The following PIAS2 variants were observed in gnomAD, a reference collection of about 807,000 sequenced individuals.
The protein encoded by PIAS2 is protein inhibitor of activated STAT 2, also known as E3 SUMO-protein ligase PIAS2.
PIAS2 carries 19 observed loss-of-function variants against 69.7 expected under a neutral mutation model. The observed-to-expected ratio is 0.27, with a 90% confidence interval of 0.19 to 0.40. PIAS2 has a LOEUF of 0.40. Ranked by LOEUF, PIAS2 falls within the 10% of genes least tolerant of loss-of-function variation. The probability of loss-of-function intolerance (pLI) is 1.00; values close to 1 mark genes in which losing one functional copy is unlikely to be tolerated. For synonymous variants in PIAS2, 261 were observed against 263.2 expected (o/e 0.99, Z 0.08); for missense variants, 624 against 757.0 (o/e 0.82, Z 2.06).
Position 46,803,359 on chromosome 18 carries a change from A to C in PIAS2, c.*9074T>G, listed in dbSNP as rs1295051174. On this transcript the variant is annotated 3_prime_UTR_variant, in exon 14 of 14. Transcript: ENST00000585916. ...TTTTAGGTTGTATCAGCAGCTTTTA[A>C]CTCCACTAACCACTTGCTTCTTGAA... is the stretch of plus-strand genomic sequence containing the variant. The C allele has an allele frequency of 6.6e-6, 1 of 152,036 alleles. No homozygotes were observed. Among genetic ancestry groups the C allele is most frequent in the African/African-American group, 2.4e-5 (1 of 41,386 alleles). 9.4% of individuals were successfully genotyped at this position (152,036 alleles called of 1,614,324 possible).
intron 2 of PIAS2, among the ~76,000 whole-genome samples, chr18:46,877,355 G>A (rs956637284): frequency 6.6e-6 from 1 of 152,134 alleles, no homozygotes; most frequent in African/African-American, 2.4e-5. Context: ...CTTGTTCTTT[G>A]TTCTCGAGAT....
rs2040683618 is a variant in PIAS2, at chr18:46,806,347, C to T, written c.*6086G>A. ...TCTTGGAAAATTCTTTGCACAATGC[C>T]TGTTACTTTTTTTTTTTTTTTTTTT... On this transcript the variant is annotated 3_prime_UTR_variant, in exon 14 of 14. Transcript: ENST00000585916. 1.1e-5 allele frequency: 1 copy of T among 87,522 alleles called. No homozygotes were observed. The highest frequency in any genetic ancestry group is 2.7e-5 in the Non-Finnish European group (1 of 37,350). The allele number at this position is 87,522 out of a possible 1,614,324, so 5.4% of individuals were successfully genotyped here.
chr18:46,857,132 T>C (rs1227485050), intron 3 of PIAS2, among the ~76,000 whole-genome samples: 1 of 152,222 alleles, frequency 6.6e-6, no homozygotes, highest in African/African-American at 2.4e-5. Flanking sequence ...CCCACTGTTC[T>C]CCTTACCAAG....
chr18:46,846,606 C>T, intron 6 of PIAS2, 101 bp downstream of exon 6: 1 of 1,180,406 alleles, frequency 8.5e-7, no homozygotes, highest in South Asian at 2.2e-5. Context: ...AGATTACAAT[C>T]CAAAAACAGA....
At chr18:46,880,760 C>T (rs2052103654) in intron 2 of PIAS2, among the ~76,000 whole-genome samples, 1 of 152,172 alleles carries the variant, frequency 6.6e-6, no homozygotes, top group African/African-American at 2.4e-5. Context: ...TACAGGCTCT[C>T]TTCTATATTA....
intron 12 of PIAS2, chr18:46,816,092 C>T: frequency 1.0e-6 from 1 of 984,758 alleles, no homozygotes; most frequent in South Asian, 4.7e-5. Flanking sequence ...TCACCTAGAC[C>T]TCCCTGTGTG....
At chr18:46,847,593 T>C (rs948017657) in intron 5 of PIAS2, among the ~76,000 whole-genome samples, 5 of 151,924 alleles carry the variant, frequency 3.3e-5, no homozygotes, top group Admixed American at 2.0e-4. Flanking sequence ...GCCAGTCTCC[T>C]GTCTCAGCCT....
At chr18:46,894,186 AAGC>A (rs2054498688) in intron 1 of PIAS2, among the ~76,000 whole-genome samples, 1 of 152,182 alleles carries the variant, frequency 6.6e-6, no homozygotes, top group South Asian at 2.1e-4. Context: ...AATAATCTCA[AAGC>A]AGCTTACTAA....
At chr18:46,918,944 A>T, upstream of PIAS2, among the ~76,000 whole-genome samples, 1 of 151,526 alleles carries the variant, frequency 6.6e-6, no homozygotes, top group Admixed American at 6.6e-5. Context: ...TCTCCATGGT[A>T]ATTATGTAGG....
intron 11 of PIAS2, among the ~76,000 whole-genome samples, chr18:46,825,168 T>C (rs1478816700): frequency 6.6e-6 from 1 of 152,010 alleles, no homozygotes; most frequent in Admixed American, 6.6e-5. Flanking sequence ...ATAAAAACTC[T>C]AGATGCTGAA....
At chr18:46,816,906 A>C (rs2041615284) in intron 12 of PIAS2, 1 of 941,676 alleles carries the variant, frequency 1.1e-6, no homozygotes, top group Middle Eastern at 5.4e-4. Context: ...ATATCTCAAT[A>C]AGCAGATTTT....
chr18:46,886,723 G>A (rs868299673), intron 2 of PIAS2, among the ~76,000 whole-genome samples: 8 of 152,178 alleles, frequency 5.3e-5, no homozygotes, highest in Middle Eastern at 3.4e-3. Context: ...TGTAGCCTCA[G>A]CTACTCGGGA....
At chr18:46,874,729 A>G (rs547696705) in intron 2 of PIAS2, among the ~76,000 whole-genome samples, 2 of 152,316 alleles carry the variant, frequency 1.3e-5, no homozygotes, top group Non-Finnish European at 2.9e-5. Context: ...ATTTCTCAGG[A>G]GTTACATACT....
At chr18:46,816,500 A>G (rs2041557821) in intron 12 of PIAS2, 2 of 934,402 alleles carry the variant, frequency 2.1e-6, no homozygotes, top group Non-Finnish European at 2.6e-6. Flanking sequence ...TTTGGGAGAC[A>G]CTGAGTCTGC....
intron 2 of PIAS2, among the ~76,000 whole-genome samples, chr18:46,883,133 A>G (rs1568712842): frequency 6.6e-6 from 1 of 152,024 alleles, no homozygotes; most frequent in Non-Finnish European, 1.5e-5. Context: ...AGAGAAGAGA[A>G]AAAGCATTAA....
chr18:46,894,019 G>C (rs974880770), intron 1 of PIAS2, among the ~76,000 whole-genome samples: 1 of 152,048 alleles, frequency 6.6e-6, no homozygotes, highest in Non-Finnish European at 1.5e-5. Context: ...CCTGCTACTC[G>C]GGAGGCTGAG....
intron 9 of PIAS2, among the ~76,000 whole-genome samples, chr18:46,830,679 C>G (rs1000260274): frequency 1.3e-5 from 2 of 152,072 alleles, no homozygotes; most frequent in Non-Finnish European, 2.9e-5. Flanking sequence ...CTTATTTACA[C>G]TCACTCCAAA....
chr18:46,867,955 T>C (rs1188250204), intron 2 of PIAS2, among the ~76,000 whole-genome samples: 1 of 152,156 alleles, frequency 6.6e-6, no homozygotes, highest in African/African-American at 2.4e-5. Context: ...AAGCCCAAAT[T>C]AGACCACATG....
chr18:46,818,503 A>C (rs1469095822), intron 12 of PIAS2: 2 of 1,451,012 alleles, frequency 1.4e-6, no homozygotes, highest in Non-Finnish European at 1.8e-6. Context: ...TAAGAAATGT[A>C]TTAAAACTTT....
Sources: gnomAD v4.1 joint callset for allele counts (sites outside exome capture counted in the v4.1 genomes callset) on GRCh38, gnomAD v4.1.1 for gene constraint, MANE v1.5 for transcripts, NCBI Gene and HGNC (gene_info 2026-07-23, HGNC 2026-07-21) for gene names.